Variants in ADGRG5 observed in about 807,000 individuals in gnomAD.
The protein encoded by ADGRG5 is G protein-coupled receptor 114.
A neutral mutation model predicts 53.2 loss-of-function variants in ADGRG5; 37 were observed. The observed-to-expected ratio is 0.70, with a 90% CI of 0.53 to 0.91. The LOEUF (loss-of-function observed/expected upper bound fraction) is 0.91, where lower values mean the gene tolerates loss of function less well. Ranked by LOEUF, ADGRG5 falls within the 40% of genes least tolerant of loss-of-function variation. ADGRG5 has a pLI of 0.00. For synonymous variants in ADGRG5, 277 were observed against 290.4 expected (o/e 0.95, Z 0.47); for missense variants, 614 against 675.8 (o/e 0.91, Z 1.01).
intron 1 of ADGRG5, among the ~76,000 whole-genome samples, chr16:57,548,282 G>A (rs1004336921): frequency 2.0e-5 from 3 of 151,578 alleles, no homozygotes; most frequent in African/African-American, 7.3e-5. Flanking sequence ...TGCACAGAAG[G>A]TTGCAAAAAA....
chr16:57,540,392 C>T (rs1567610152), upstream of ADGRG5, among the ~76,000 whole-genome samples: 1 of 152,204 alleles, frequency 6.6e-6, no homozygotes, highest in Non-Finnish European at 1.5e-5. Flanking sequence ...GTCCCACCTA[C>T]AATCTTCTTG....
chr16:57,559,744 T>TAA (rs77775175), intron 1 of ADGRG5, among the ~76,000 whole-genome samples: 3 of 142,486 alleles, frequency 2.1e-5, no homozygotes, highest in African/African-American at 7.7e-5. Flanking sequence ...TCCAGTAGGC[T>TAA]AAAAAAAAAA....
chr16:57,559,839 G>A (rs901730018), intron 1 of ADGRG5, among the ~76,000 whole-genome samples: 5 of 151,656 alleles, frequency 3.3e-5, no homozygotes, highest in South Asian at 2.1e-4. Flanking sequence ...GGTGGAAATC[G>A]AAATCATCTT....
chr16:57,533,630 C>T, the ADGRG5 span, among the ~76,000 whole-genome samples: 2 of 150,624 alleles, frequency 1.3e-5, no homozygotes, highest in East Asian at 2.0e-4. Context: ...ACACACAGCC[C>T]CAGTAACACT....
chr16:57,557,890 C>T (rs2032917849), intron 1 of ADGRG5, among the ~76,000 whole-genome samples: 1 of 152,214 alleles, frequency 6.6e-6, no homozygotes, highest in South Asian at 2.1e-4. Flanking sequence ...TTTTCCACTA[C>T]ACCCTTTAAC....
At chr16:57,573,976 C>T (rs994881788) in intron 10 of ADGRG5, among the ~76,000 whole-genome samples, 1 of 152,190 alleles carries the variant, frequency 6.6e-6, no homozygotes, top group Non-Finnish European at 1.5e-5. Context: ...CCCACCTCGG[C>T]CTCCCAAAGT....
At chr16:57,536,294 TGGGGTTCCGGGGGCTGAGGGAGGCCG>T in the ADGRG5 span, among the ~76,000 whole-genome samples, 16 of 150,158 alleles carry the variant, frequency 1.1e-4, no homozygotes, top group African/African-American at 3.7e-4. Context: ...ACCGGAGACC[TGGGGTTCCGGGGGCTGAGGGAGGCCG>T]GGGAGGCGTC....
chr16:57,554,342 C>G (rs1438555142), intron 1 of ADGRG5, among the ~76,000 whole-genome samples: 2 of 151,330 alleles, frequency 1.3e-5, no homozygotes, highest in Non-Finnish European at 2.9e-5. Context: ...TTTCTCTACT[C>G]CATTTTCTAT....
At chr16:57,572,915 G>C (rs975222984) in intron 10 of ADGRG5, among the ~76,000 whole-genome samples, 3 of 152,204 alleles carry the variant, frequency 2.0e-5, no homozygotes, top group Non-Finnish European at 2.9e-5. Flanking sequence ...CTCAGCAGGG[G>C]ATTGTGACAG....
intron 7 of ADGRG5, among the ~76,000 whole-genome samples, chr16:57,567,141 T>C (rs2033155473): frequency 6.6e-6 from 1 of 152,164 alleles, no homozygotes; most frequent in Admixed American, 6.5e-5. Context: ...CATGTGCTCA[T>C]CCCTGACCCA....
chr16:57,560,811 G>A (rs2032982461), intron 1 of ADGRG5, among the ~76,000 whole-genome samples: 1 of 152,060 alleles, frequency 6.6e-6, no homozygotes, highest in African/African-American at 2.4e-5. Context: ...TTGAGACAAG[G>A]TCTCATTCTG....
the ADGRG5 span, among the ~76,000 whole-genome samples, chr16:57,531,758 T>C: frequency 6.6e-6 from 1 of 152,158 alleles, no homozygotes; most frequent in East Asian, 1.9e-4. Flanking sequence ...TCTGTGCTCC[T>C]AATTTCTCCC....
At chr16:57,541,191 A>G (rs1217929119), upstream of ADGRG5, among the ~76,000 whole-genome samples, 2 of 152,196 alleles carry the variant, frequency 1.3e-5, no homozygotes. Context: ...CAACTGAAGC[A>G]AGGCACAGTG....
Position 57,574,995 on chromosome 16 carries a change from C to A in ADGRG5, c.1389C>A (p.Thr463=). The change falls in exon 11 of 12, where the codon ACC becomes ACA. Residue 463 remains threonine, a synonymous_variant. Transcript: ENST00000349457. The surrounding 1 kb of genome is among the most constrained non-coding windows in gnomAD (Gnocchi z 4.4). ...ACACTGTCACTGTGCTGGGCCTCAC[C>A]GTGCTGCTGGGAACCACCTGGGCCT... ...CHDTVTVLGL[T]VLLGTTWALA... is the part of the protein sequence containing the mutation. The A allele has an allele frequency of 6.2e-7, 1 of 1,613,996 alleles. No homozygotes were observed. The highest frequency in any genetic ancestry group is 2.2e-5 in the East Asian group (1 of 44,880).
chr16:57,567,820 T>C, intron 8 of ADGRG5, 36 bp from the exon 9 acceptor site: 1 of 1,589,214 alleles, frequency 6.3e-7, no homozygotes, highest in African/African-American at 1.3e-5. Context: ...CTGGGTGATG[T>C]CCCTGGGCCA....
intron 1 of ADGRG5, among the ~76,000 whole-genome samples, chr16:57,561,320 C>T (rs780048620): frequency 2.8e-4 from 43 of 152,158 alleles, no homozygotes; most frequent in Non-Finnish European, 1.2e-4. Context: ...GTTTTCTTTC[C>T]CATTGTTCTG....
intron 11 of ADGRG5, 121 bp from the exon 12 acceptor site, chr16:57,575,317 C>T (rs1258029343): frequency 2.0e-6 from 2 of 1,010,932 alleles, no homozygotes; most frequent in Non-Finnish European, 2.9e-6. Context: ...TGGCCTCCTA[C>T]AGTAAGAGAT....
chr16:57,570,951 C>T lies in ADGRG5; in HGVS notation c.1208+416C>T, dbSNP rs2033336402. 2.0e-5 allele frequency among the ~76,000 whole-genome samples: 3 copies of T among 152,154 alleles called. No individual in the cohort carries two copies. In the South Asian group the frequency reaches 6.2e-4, roughly 32 times the overall value. ...CTGCCCTGGGCACTGCCAGGCCTCT[C>T]AAGTCCTCCTAGTCGGACAAGAGTG... is the stretch of plus-strand genomic sequence containing the variant. On this transcript the variant is annotated intron_variant, in intron 10 of 11. Transcript: ENST00000349457.
rs2033137964 is a variant in ADGRG5, at chr16:57,566,602, G to A, written c.550G>A (p.Gly184Ser). 1 of 1,514,552 alleles carries A rather than the reference G, an allele frequency of 6.6e-7. No individual in the cohort carries two copies. Among genetic ancestry groups the A allele is most frequent in the Non-Finnish European group, 8.8e-7 (1 of 1,132,214 alleles). 93.8% of individuals were successfully genotyped at this position (1,514,552 alleles called of 1,614,324 possible). The change falls in exon 7 of 12, where the codon GGC (glycine) becomes AGC (serine). Residue 184 changes from glycine (G) to serine (S), a missense_variant. Coordinates refer to ENST00000349457, the MANE Select transcript of ADGRG5 (RefSeq NM_001304376.3). The stretch of plus-strand genomic sequence containing the variant: ...CTGACCCAGCATCTCCACCCAGGAA[G>A]GCTACACCCTGACCTGTGTCTTCTG... ...ISFWHNQSLE[G>S]YTLTCVFWKE...
Sources: allele counts gnomAD v4.1 joint callset (sites outside exome capture counted in the v4.1 genomes callset), GRCh38; gene constraint gnomAD v4.1.1; non-coding constraint Gnocchi (gnomAD v3.1); transcripts MANE v1.5; gene names NCBI Gene and HGNC (gene_info 2026-07-23, HGNC 2026-07-21).